JAM2: variants seen among roughly 807,000 people sequenced by gnomAD.
JAM2 encodes junctional adhesion molecule B.
Under a neutral mutation model 42.0 loss-of-function variants are expected in JAM2, and 17 were observed. The observed-to-expected ratio is 0.40, with a 90% CI of 0.28 to 0.61. The LOEUF (loss-of-function observed/expected upper bound fraction) is 0.61. Among genes scored for constraint, JAM2 ranks in the 20% least tolerant of loss-of-function variants. The pLI, the probability that JAM2 is intolerant of heterozygous loss-of-function variation, is 0.37. For missense variants in JAM2, 319 were observed against 358.3 expected (o/e 0.89, Z 0.89); for synonymous variants, 118 against 128.6 (o/e 0.92, Z 0.56).
At chr21:25,709,636 C>T (rs1303891421) in intron 8 of JAM2, 187 bp downstream of exon 8, 6 of 427,274 alleles carry the variant, frequency 1.4e-5, no homozygotes, top group African/African-American at 9.7e-5. Context: ...AGAAAATACC[C>T]GAGACTGGGT....
In JAM2 at chr21:25,695,672, G is replaced by C. The variant is rs1246117547; in HGVS notation, c.394+1764G>C. Among the ~76,000 whole-genome samples the C allele has an allele frequency of 2.0e-5, 3 of 151,542 alleles. No homozygotes were observed. The East Asian group carries it at 5.8e-4, about 29-fold the overall frequency. ...ATGCTCCTCACTTCCCAGACGGGGC[G>C]GGGCGGCTGCCGGGCGGAGGGGCTC... On this transcript the variant is annotated intron_variant, in intron 4 of 9. Transcript: ENST00000480456.
intron 1 of JAM2, among the ~76,000 whole-genome samples, chr21:25,679,126 A>T (rs2033568692): frequency 1.3e-5 from 2 of 152,242 alleles, no homozygotes; most frequent in Admixed American, 6.5e-5. Flanking sequence ...TAAGGGAAAA[A>T]AGAAATTCTC....
chr21:25,706,479 G>A (rs1234861977), intron 7 of JAM2, among the ~76,000 whole-genome samples: 1 of 152,126 alleles, frequency 6.6e-6, no homozygotes, highest in African/African-American at 2.4e-5. Flanking sequence ...ATTGTGCCCG[G>A]CCCTCTCCTA....
At chr21:25,703,301 G>A (rs1426431336) in intron 6 of JAM2, among the ~76,000 whole-genome samples, 3 of 152,126 alleles carry the variant, frequency 2.0e-5, no homozygotes, top group Non-Finnish European at 2.9e-5. Flanking sequence ...TGATGTATTA[G>A]TTACTTTTTC....
At chr21:25,696,112 G>T (rs1391686905) in intron 4 of JAM2, among the ~76,000 whole-genome samples, 1 of 152,356 alleles carries the variant, frequency 6.6e-6, no homozygotes, top group Non-Finnish European at 1.5e-5. Context: ...AGCACTGAGT[G>T]AACGAGACTC....
intron 4 of JAM2, among the ~76,000 whole-genome samples, chr21:25,695,682 C>A (rs1339674798): frequency 6.6e-6 from 1 of 150,810 alleles, no homozygotes; most frequent in Non-Finnish European, 1.5e-5. Flanking sequence ...GGGGCGGCTG[C>A]CGGGCGGAGG....
chr21:25,688,245 T>G (rs886601886), intron 2 of JAM2, among the ~76,000 whole-genome samples: 49 of 144,814 alleles, frequency 3.4e-4, no homozygotes, highest in Admixed American at 1.4e-4. Context: ...CCAGGAGGGG[T>G]GTGTGTGTGT....
At chr21:25,685,995 T>TA (rs1383583039) in intron 2 of JAM2, among the ~76,000 whole-genome samples, 1 of 152,222 alleles carries the variant, frequency 6.6e-6, no homozygotes, top group Non-Finnish European at 1.5e-5. Context: ...CATTATTTTT[T>TA]AAAAAATGTA....
At chr21:25,660,110 G>A (rs1220362063) in intron 1 of JAM2, among the ~76,000 whole-genome samples, 1 of 151,914 alleles carries the variant, frequency 6.6e-6, no homozygotes, top group Non-Finnish European at 1.5e-5. Flanking sequence ...TAGTAGAGAC[G>A]GGGTTTCACT....
At chr21:25,688,272 A>G (rs201747693) in intron 2 of JAM2, among the ~76,000 whole-genome samples, 46 of 120,012 alleles carry the variant, frequency 3.8e-4, no homozygotes, top group South Asian at 2.3e-3. Context: ...GTGTGTGTGT[A>G]TGTGTGTGTA....
intron 6 of JAM2, among the ~76,000 whole-genome samples, chr21:25,705,619 C>T (rs2032103): frequency 0.97 from 147,786 of 152,312 alleles, 71,857 homozygotes; most frequent in East Asian, 1. Flanking sequence ...TTAAGTAAGA[C>T]GTGGGGTAGG....
intron 1 of JAM2, among the ~76,000 whole-genome samples, chr21:25,645,067 G>C (rs946046016): frequency 6.6e-6 from 1 of 152,164 alleles, no homozygotes; most frequent in African/African-American, 2.4e-5. Context: ...TTTTAGTAGA[G>C]ACTGGGTTTC....
chr21:25,711,866 C>T (rs2034390439), intron 8 of JAM2, among the ~76,000 whole-genome samples: 1 of 152,156 alleles, frequency 6.6e-6, no homozygotes, highest in Non-Finnish European at 1.5e-5. Context: ...TGGGGAATAA[C>T]TTCATTCCTA....
At chr21:25,640,795 CCTTT>C (rs1271676186) in intron 1 of JAM2, among the ~76,000 whole-genome samples, 2 of 151,052 alleles carry the variant, frequency 1.3e-5, no homozygotes, top group East Asian at 1.9e-4. Context: ...TTCCTCCCTT[CCTTT>C]CTCTTTCTTC....
At chr21:25,683,720 C>A (rs1269804179) in intron 1 of JAM2, among the ~76,000 whole-genome samples, 163 bp from the exon 2 acceptor site, 1 of 152,086 alleles carries the variant, frequency 6.6e-6, no homozygotes, top group East Asian at 1.9e-4. Flanking sequence ...TGTATAGTTT[C>A]ATTTGCTTTT....
intron 1 of JAM2, among the ~76,000 whole-genome samples, chr21:25,663,048 A>G (rs570537902): frequency 0.015 from 2,331 of 152,296 alleles, 43 homozygotes; most frequent in African/African-American, 0.052. Context: ...TTGACAGTTA[A>G]GTCAGGTGTT....
chr21:25,696,001 G>A (rs144580580), intron 4 of JAM2, among the ~76,000 whole-genome samples: 12,342 of 152,242 alleles, frequency 0.081, 678 homozygotes, highest in East Asian at 0.3. Flanking sequence ...CCAGGCAGAG[G>A]CTGCAATCTC....
intron 1 of JAM2, among the ~76,000 whole-genome samples, chr21:25,665,179 T>A (rs1183667300): frequency 6.6e-6 from 1 of 152,102 alleles, no homozygotes; most frequent in African/African-American, 2.4e-5. Context: ...TGCCTGTACC[T>A]CCTCTCTGAG....
intron 4 of JAM2, among the ~76,000 whole-genome samples, chr21:25,695,796 C>G (rs1400338695): frequency 6.6e-6 from 1 of 151,234 alleles, no homozygotes; most frequent in African/African-American, 2.4e-5. Flanking sequence ...GACGGGGTCG[C>G]GGCCGGGCAG....
Sources: allele counts gnomAD v4.1 joint callset (sites outside exome capture counted in the v4.1 genomes callset), GRCh38; gene constraint gnomAD v4.1.1; transcripts MANE v1.5; gene names NCBI Gene and HGNC (gene_info 2026-07-23, HGNC 2026-07-21).